Variants in THRAP3 observed in about 807,000 individuals in gnomAD.
The protein encoded by THRAP3 is thyroid hormone receptor associated protein 3.
Under a neutral mutation model 101.0 loss-of-function variants are expected in THRAP3, and 16 were observed. That is an observed-to-expected ratio of 0.16 (90% CI 0.11 to 0.24). The LOEUF is 0.24. THRAP3 is among the 10% of genes least tolerant of loss of function. The probability of loss-of-function intolerance (pLI) is 1.00; values close to 1 mark genes in which losing one functional copy is unlikely to be tolerated. For missense variants in THRAP3, 989 were observed against 1,202.7 expected, an observed-to-expected ratio of 0.82 and a Z score of 2.63; for synonymous variants, 407 against 422.6, an observed-to-expected ratio of 0.96 and a Z score of 0.45.
chr1:36,211,657 A>G, the THRAP3 span, among the ~76,000 whole-genome samples: 1 of 152,186 alleles, frequency 6.6e-6, no homozygotes, highest in African/African-American at 2.4e-5. Context: ...GGGAGTAACC[A>G]TTTTCTGCTC....
chr1:36,230,018 C>T (rs1446056905), intron 1 of THRAP3, among the ~76,000 whole-genome samples: 1 of 139,470 alleles, frequency 7.2e-6, no homozygotes, highest in African/African-American at 2.7e-5. Context: ...GCAGTGGTGC[C>T]ATCTCGGCTC....
At chr1:36,209,254 T>C in the THRAP3 span, among the ~76,000 whole-genome samples, 1 of 152,044 alleles carries the variant, frequency 6.6e-6, no homozygotes, top group South Asian at 2.1e-4. Flanking sequence ...CTGGGATTAC[T>C]GGAGTGAGCC....
chr1:36,292,769 C>G, intron 7 of THRAP3, 60 bp downstream of exon 7: 1 of 1,312,432 alleles, frequency 7.6e-7, no homozygotes, highest in Non-Finnish European at 1.1e-6. Context: ...AGACATTAAA[C>G]TCACCTTGTT....
At chr1:36,234,529 C>T (rs935746188) in intron 1 of THRAP3, among the ~76,000 whole-genome samples, 2 of 151,886 alleles carry the variant, frequency 1.3e-5, no homozygotes, top group African/African-American at 4.8e-5. Flanking sequence ...TATATTTTTT[C>T]CTTTGGTACT....
the THRAP3 span, among the ~76,000 whole-genome samples, chr1:36,216,323 C>T: frequency 6.6e-6 from 1 of 151,736 alleles, no homozygotes; most frequent in Admixed American, 6.6e-5. Context: ...AGTTCAAGAC[C>T]AGACTGGCCA....
chr1:36,238,202 C>T (rs961106675), intron 1 of THRAP3, among the ~76,000 whole-genome samples: 3 of 152,046 alleles, frequency 2.0e-5, no homozygotes, highest in African/African-American at 7.2e-5. Flanking sequence ...TCCTGACCTC[C>T]AGCCATCTGC....
At chr1:36,276,370 A>G (rs1030635101) in intron 2 of THRAP3, among the ~76,000 whole-genome samples, 1 of 151,918 alleles carries the variant, frequency 6.6e-6, no homozygotes, top group Non-Finnish European at 1.5e-5. Flanking sequence ...TAAAAATACA[A>G]AAAATTAGCC....
intron 1 of THRAP3, among the ~76,000 whole-genome samples, chr1:36,253,928 T>G (rs879066410): frequency 6.6e-6 from 1 of 151,976 alleles, no homozygotes; most frequent in Non-Finnish European, 1.5e-5. Context: ...ACTGTATTCA[T>G]TAAGAAACAT....
At chr1:36,302,755 C>T (rs1341244774) in intron 11 of THRAP3, among the ~76,000 whole-genome samples, 2 of 152,180 alleles carry the variant, frequency 1.3e-5, no homozygotes, top group South Asian at 2.1e-4. Context: ...ATGCTTTCTC[C>T]TTCATTGTTT....
At chr1:36,221,614 G>A (rs1268619708), upstream of THRAP3, among the ~76,000 whole-genome samples, 1 of 152,082 alleles carries the variant, frequency 6.6e-6, no homozygotes, top group Non-Finnish European at 1.5e-5. Context: ...AGACAGTTTT[G>A]CTCTTGTTGC....
intron 4 of THRAP3, chr1:36,287,784 G>T: frequency 1.0e-6 from 1 of 985,466 alleles, no homozygotes. Context: ...AAACCACAAG[G>T]TGGGTGTATG....
In THRAP3 at chr1:36,286,405, A is replaced by G; in HGVS notation, c.175A>G (p.Asn59Asp). ...SRSRSYSPAH[N>D]RERNHPRVYQ... ...TTCCAGATCATATTCTCCAGCTCATAACAGAGAAAGAAACCACCCAAGAGT... is the reference window on the plus strand; with the variant it reads ...TTCCAGATCATATTCTCCAGCTCATGACAGAGAAAGAAACCACCCAAGAGT... Residue 59 changes from asparagine (N) to aspartate (D), a missense_variant, in exon 4 of 12, where the codon AAC (asparagine) becomes GAC (aspartate). Physicochemically the swap from Asn to Asp is conservative, Grantham distance 23 (BLOSUM62 1). Coordinates refer to ENST00000354618, the MANE Select transcript of THRAP3 (RefSeq NM_005119.4). The surrounding 1 kb of genome is among the most constrained non-coding windows in gnomAD (Gnocchi z 5.5). 1 of 1,612,036 alleles carries G rather than the reference A, an allele frequency of 6.2e-7. No individual in the cohort carries two copies. Among genetic ancestry groups the G allele is most frequent in the Non-Finnish European group, 8.5e-7 (1 of 1,179,424 alleles).
At chr1:36,231,425 C>G (rs1000829953) in intron 1 of THRAP3, among the ~76,000 whole-genome samples, 2 of 152,168 alleles carry the variant, frequency 1.3e-5, no homozygotes, top group Non-Finnish European at 2.9e-5. Context: ...AATGTTGTCA[C>G]TGCATAGCTT....
chr1:36,304,100 A>G lies in THRAP3; in HGVS notation c.*83A>G. The G allele has an allele frequency of 7.6e-6, 11 of 1,439,142 alleles. No homozygotes were observed. The South Asian group carries it at 1.5e-4, about 20-fold the overall frequency. The allele number at this position is 1,439,142 out of a possible 1,614,324, so 89.1% of individuals were successfully genotyped here. A position where few individuals can be genotyped will look rare whatever the true frequency, so the allele number is the denominator to read the frequency against. On this transcript the variant is annotated 3_prime_UTR_variant, in exon 12 of 12. Transcript: ENST00000354618. ...TGAGGAGCTTAACAGAGGAACCTCAAGAAGATTCTGAAAATCCTACCCCCA... is the reference window on the plus strand; with the variant it reads ...TGAGGAGCTTAACAGAGGAACCTCAGGAAGATTCTGAAAATCCTACCCCCA...
intron 1 of THRAP3, among the ~76,000 whole-genome samples, chr1:36,234,071 T>C (rs1338534909): frequency 6.6e-6 from 1 of 152,120 alleles, no homozygotes; most frequent in East Asian, 1.9e-4. Context: ...TCCTCCCACC[T>C]CAGCCTCCTG....
intron 2 of THRAP3, 36 bp from the exon 3 acceptor site, chr1:36,282,497 C>T: frequency 6.7e-7 from 1 of 1,484,142 alleles, no homozygotes; most frequent in Non-Finnish European, 9.2e-7. Flanking sequence ...TGCAAAGGAA[C>T]TCACTCATTT....
chr1:36,208,003 G>A, the THRAP3 span, among the ~76,000 whole-genome samples: 2 of 152,102 alleles, frequency 1.3e-5, no homozygotes, highest in South Asian at 4.1e-4. Context: ...ATGTTGGCCC[G>A]GCTAGTCTTG....
intron 5 of THRAP3, among the ~76,000 whole-genome samples, chr1:36,290,119 A>G (rs1327108204): frequency 2.0e-5 from 3 of 152,116 alleles, no homozygotes; most frequent in African/African-American, 2.4e-5. Context: ...GCCAAAGTCT[A>G]TAGTACGGCC....
intron 2 of THRAP3, among the ~76,000 whole-genome samples, chr1:36,266,250 C>G (rs115921704): frequency 5.3e-4 from 81 of 151,852 alleles, no homozygotes; most frequent in African/African-American, 1.9e-3. Flanking sequence ...GCCCAAGATG[C>G]AGAGGTTGCA....
Sources: allele counts gnomAD v4.1 joint callset (sites outside exome capture counted in the v4.1 genomes callset), GRCh38; gene constraint gnomAD v4.1.1; non-coding constraint Gnocchi (gnomAD v3.1); transcripts MANE v1.5; gene names NCBI Gene and HGNC (gene_info 2026-07-23, HGNC 2026-07-21).